PDSS2: variants seen among roughly 807,000 people sequenced by gnomAD.
PDSS2 encodes the protein all trans-polyprenyl-diphosphate synthase PDSS2.
Under a neutral mutation model 44.5 loss-of-function variants are expected in PDSS2, and 31 were observed. The ratio of observed to expected loss-of-function variants is 0.70; its 90% confidence interval spans 0.52 to 0.94. The LOEUF (loss-of-function observed/expected upper bound fraction) is 0.94, where lower values mean the gene tolerates loss of function less well. PDSS2 is among the 40% of genes least tolerant of loss of function. The pLI, the probability that PDSS2 is intolerant of heterozygous loss-of-function variation, is 0.00. For missense variants in PDSS2, 452 were observed against 482.2 expected (o/e 0.94, Z 0.59); for synonymous variants, 157 against 180.3 (o/e 0.87, Z 1.03).
chr6:107,285,618 T>C (rs1208275035), intron 2 of PDSS2, among the ~76,000 whole-genome samples: 1 of 152,158 alleles, frequency 6.6e-6, no homozygotes, highest in Non-Finnish European at 1.5e-5. Flanking sequence ...ATTCAAATCA[T>C]TAGGGAAAAG....
At chr6:107,369,449 A>T (rs1275969798) in intron 1 of PDSS2, among the ~76,000 whole-genome samples, 7 of 152,056 alleles carry the variant, frequency 4.6e-5, no homozygotes, top group Non-Finnish European at 7.4e-5. Flanking sequence ...AAACTAAAAA[A>T]GAAAAAAGAA....
chr6:107,322,575 T>TCCAAA (rs1777414456), intron 2 of PDSS2, among the ~76,000 whole-genome samples: 1 of 151,834 alleles, frequency 6.6e-6, no homozygotes, highest in Non-Finnish European at 1.5e-5. Context: ...CCGGGTGTGG[T>TCCAAA]GGCTCATGCC....
At chr6:107,189,726 C>T in intron 7 of PDSS2, among the ~76,000 whole-genome samples, 1 of 152,122 alleles carries the variant, frequency 6.6e-6, no homozygotes, top group East Asian at 1.9e-4. Context: ...AGAGCCATTG[C>T]TTGGTCCAGG....
chr6:107,311,245 G>A (rs1318357930), intron 2 of PDSS2, among the ~76,000 whole-genome samples: 1 of 149,806 alleles, frequency 6.7e-6, no homozygotes, highest in East Asian at 2.0e-4. Context: ...ACTCAGGGTG[G>A]AGTGCAGTGG....
intron 2 of PDSS2, among the ~76,000 whole-genome samples, chr6:107,321,025 A>AC (rs1777365587): frequency 6.6e-6 from 1 of 152,256 alleles, no homozygotes; most frequent in Non-Finnish European, 1.5e-5. Flanking sequence ...GTTTACCAAG[A>AC]AAAGCAATTT....
chr6:107,429,051 G>A (rs750602326), intron 1 of PDSS2, among the ~76,000 whole-genome samples: 19 of 152,158 alleles, frequency 1.2e-4, no homozygotes, highest in Admixed American at 3.3e-4. Flanking sequence ...CTGGGAGAAT[G>A]CAAACTCAGT....
intron 7 of PDSS2, among the ~76,000 whole-genome samples, chr6:107,191,690 A>C (rs9486557): frequency 0.051 from 7,735 of 152,190 alleles, 601 homozygotes; most frequent in African/African-American, 0.17. Context: ...CAGCTCACTG[A>C]AACCTCTGCT....
intron 2 of PDSS2, among the ~76,000 whole-genome samples, chr6:107,320,217 G>C (rs1416280837): frequency 6.6e-6 from 1 of 152,142 alleles, no homozygotes; most frequent in African/African-American, 2.4e-5. Flanking sequence ...GTGGAAACTT[G>C]TTTTGCGTCG....
chr6:107,261,911 T>C (rs1415948427), intron 3 of PDSS2, among the ~76,000 whole-genome samples: 21 of 103,174 alleles, frequency 2.0e-4, no homozygotes, highest in African/African-American at 1.6e-4. Context: ...TCTTTTCTTT[T>C]TTTTTTTTTT....
intron 3 of PDSS2, 45 bp from the exon 4 acceptor site, chr6:107,245,664 T>A: frequency 8.6e-7 from 1 of 1,167,846 alleles, no homozygotes; most frequent in Non-Finnish European, 1.2e-6. Context: ...TTTAAATATA[T>A]CTCTATTGTT....
rs41292442 is a variant in PDSS2, at chr6:107,154,308, C to T, written c.*311G>A. 0.059 allele frequency: 21,316 copies of T among 361,272 alleles called. 747 individuals are homozygous for T. Among genetic ancestry groups the T allele is most frequent in the Non-Finnish European group, 0.078 (14,780 of 188,678 alleles). The allele number at this position is 361,272 out of a possible 1,614,324, so 22.4% of individuals were successfully genotyped here. ...CACCGCCCTGGCGCCATCCCTGGCT[C>T]GGTCCAATCAATAAGGACTTATTTC... On this transcript the variant is annotated 3_prime_UTR_variant, in exon 8 of 8. Transcript: ENST00000369037.
At chr6:107,192,879 C>A (rs766239048) in intron 7 of PDSS2, among the ~76,000 whole-genome samples, 1 of 151,918 alleles carries the variant, frequency 6.6e-6, no homozygotes, top group Non-Finnish European at 1.5e-5. Context: ...CAGGAGAGTG[C>A]GAGGTTCCAG....
intron 2 of PDSS2, among the ~76,000 whole-genome samples, chr6:107,279,548 A>C (rs1000761120): frequency 2.0e-5 from 3 of 152,210 alleles, no homozygotes; most frequent in African/African-American, 7.2e-5. Context: ...TTCATGGGCA[A>C]ATCCCTTAAA....
At chr6:107,165,343 A>G (rs1463528543) in intron 7 of PDSS2, among the ~76,000 whole-genome samples, 6 of 152,186 alleles carry the variant, frequency 3.9e-5, no homozygotes, top group Non-Finnish European at 7.3e-5. Context: ...ATTTTTGTAT[A>G]AAGTGTGAGG....
chr6:107,326,489 T>C (rs1777550890), intron 2 of PDSS2, among the ~76,000 whole-genome samples: 1 of 152,096 alleles, frequency 6.6e-6, no homozygotes, highest in Admixed American at 6.5e-5. Flanking sequence ...ACAGAAAATG[T>C]TCGGTCATGA....
chr6:107,344,272 T>A (rs1778170854), intron 1 of PDSS2, among the ~76,000 whole-genome samples: 1 of 152,204 alleles, frequency 6.6e-6, no homozygotes, highest in Admixed American at 6.5e-5. Context: ...TGAAAATTAT[T>A]TTTTTAAAGA....
intron 6 of PDSS2, among the ~76,000 whole-genome samples, chr6:107,201,390 C>CAAAAAAAAAGA (rs1772767702): frequency 1.9e-5 from 1 of 52,150 alleles, no homozygotes; most frequent in Non-Finnish European, 3.1e-5. Flanking sequence ...CATACAAAAG[C>CAAAAAAAAAGA]AAAAAAAAAA....
chr6:107,398,935 G>A lies in PDSS2; in HGVS notation c.296+60055C>T, dbSNP rs190026503. On this transcript the variant is annotated intron_variant, in intron 1 of 7. Coordinates refer to ENST00000369037, the MANE Select transcript of PDSS2 (RefSeq NM_020381.4). Reference sequence around the variant, plus strand: ...TCTTTTCTTCCACAGCTCCCCTATAGCTTTAAAAATAAGATTTTTAGAATG... The same window carrying A: ...TCTTTTCTTCCACAGCTCCCCTATAACTTTAAAAATAAGATTTTTAGAATG... Among the ~76,000 whole-genome samples the A allele has an allele frequency of 7.9e-5, 12 of 152,116 alleles. No individual in the cohort carries two copies. In the East Asian group the frequency reaches 2.3e-3, roughly 29 times the overall value.
intron 3 of PDSS2, among the ~76,000 whole-genome samples, chr6:107,255,198 ATT>A (rs771098042): frequency 1.3e-4 from 16 of 126,320 alleles, no homozygotes; most frequent in African/African-American, 8.9e-5. Flanking sequence ...ATTGCATTCT[ATT>A]TTTTTTTTTT....
Sources: gnomAD v4.1 joint callset for allele counts (sites outside exome capture counted in the v4.1 genomes callset) on GRCh38, gnomAD v4.1.1 for gene constraint, MANE v1.5 for transcripts, NCBI Gene and HGNC (gene_info 2026-07-23, HGNC 2026-07-21) for gene names.